KCNQ5: variants seen among roughly 807,000 people sequenced by gnomAD.
KCNQ5 encodes the protein potassium voltage-gated channel subfamily KQT member 5.
Under a neutral mutation model 98.2 loss-of-function variants are expected in KCNQ5, and 30 were observed. The observed-to-expected ratio is 0.31, with a 90% CI of 0.23 to 0.41. The LOEUF (loss-of-function observed/expected upper bound fraction) is 0.41, where lower values mean the gene tolerates loss of function less well. Among genes scored for constraint, KCNQ5 ranks in the 10% least tolerant of loss-of-function variants. KCNQ5 has a pLI of 1.00. For missense variants in KCNQ5, 835 were observed against 1,182.5 expected, an observed-to-expected ratio of 0.71 and a Z score of 4.31; for synonymous variants, 458 against 449.4, an observed-to-expected ratio of 1.02 and a Z score of -0.24.
chr6:73,125,602 A>T, intron 9 of KCNQ5: 1 of 232,020 alleles, frequency 4.3e-6, no homozygotes, highest in Non-Finnish European at 8.4e-6. Context: ...TATTAATAAT[A>T]ATATATTTAT....
chr6:72,683,086 G>A (rs1488168728), intron 1 of KCNQ5, among the ~76,000 whole-genome samples: 4 of 152,162 alleles, frequency 2.6e-5, no homozygotes, highest in Admixed American at 2.6e-4. Context: ...CGTCCTTACT[G>A]CTTCACCTGT....
At chr6:73,080,195 T>G (rs1429879226) in intron 5 of KCNQ5, among the ~76,000 whole-genome samples, 3 of 152,236 alleles carry the variant, frequency 2.0e-5, no homozygotes, top group Non-Finnish European at 4.4e-5. Context: ...AGGTCATATC[T>G]GTGACTTTCA....
chr6:73,088,299 G>T (rs1248535659), intron 5 of KCNQ5, among the ~76,000 whole-genome samples: 1 of 152,052 alleles, frequency 6.6e-6, no homozygotes, highest in Non-Finnish European at 1.5e-5. Context: ...GAGATTACAG[G>T]CATAAGCCAC....
chr6:72,646,529 A>G (rs1413111106), intron 1 of KCNQ5, among the ~76,000 whole-genome samples: 1 of 152,172 alleles, frequency 6.6e-6, no homozygotes, highest in Non-Finnish European at 1.5e-5. Flanking sequence ...AAAAAAGCAT[A>G]TGGTTATCTA....
chr6:73,132,123 T>C (rs555586176), intron 9 of KCNQ5, among the ~76,000 whole-genome samples: 1 of 152,328 alleles, frequency 6.6e-6, no homozygotes, highest in South Asian at 2.1e-4. Flanking sequence ...ACTAAACACA[T>C]TTGCTGTTGG....
chr6:72,976,783 T>C (rs1209207233), intron 1 of KCNQ5, among the ~76,000 whole-genome samples: 1 of 152,218 alleles, frequency 6.6e-6, no homozygotes, highest in Non-Finnish European at 1.5e-5. Flanking sequence ...CTTCAAATAG[T>C]TTCCCAGGAA....
chr6:72,979,900 C>T (rs1267677498), intron 1 of KCNQ5, among the ~76,000 whole-genome samples: 1 of 152,112 alleles, frequency 6.6e-6, no homozygotes, highest in Non-Finnish European at 1.5e-5. Flanking sequence ...ATATGGCTAG[C>T]CAGTTTTCCC....
chr6:73,072,483 G>A (rs1773338773), intron 3 of KCNQ5, among the ~76,000 whole-genome samples: 1 of 152,158 alleles, frequency 6.6e-6, no homozygotes, highest in Non-Finnish European at 1.5e-5. Context: ...GTTCACAATA[G>A]GGAAGCTTTG....
chr6:72,639,621 A>G (rs2098926137), intron 1 of KCNQ5, among the ~76,000 whole-genome samples: 1 of 152,204 alleles, frequency 6.6e-6, no homozygotes, highest in African/African-American at 2.4e-5. Context: ...AACCAGGGAT[A>G]TCTGGTTGGA....
intron 1 of KCNQ5, among the ~76,000 whole-genome samples, chr6:72,714,579 G>A (rs1225880456): frequency 3.3e-5 from 5 of 152,100 alleles, no homozygotes; most frequent in Admixed American, 6.6e-5. Flanking sequence ...AATATTGTGT[G>A]GGTTACAAAA....
chr6:72,847,994 T>G (rs1381437278), intron 1 of KCNQ5, among the ~76,000 whole-genome samples: 1 of 151,098 alleles, frequency 6.6e-6, no homozygotes, highest in African/African-American at 2.5e-5. Flanking sequence ...ATTTCTGGCA[T>G]TGTATCTCCA....
intron 1 of KCNQ5, among the ~76,000 whole-genome samples, chr6:72,835,319 A>G (rs1395655923): frequency 6.6e-6 from 1 of 152,158 alleles, no homozygotes; most frequent in East Asian, 1.9e-4. Context: ...CTTGCTGCAG[A>G]TGTACTCCAG....
chr6:73,190,020 G>T (rs1339630496), intron 11 of KCNQ5, among the ~76,000 whole-genome samples: 1 of 150,426 alleles, frequency 6.6e-6, no homozygotes, highest in African/African-American at 2.4e-5. Flanking sequence ...AGTGTATTAT[G>T]TTTAAAACAA....
chr6:72,708,181 G>A (rs1380367392), intron 1 of KCNQ5, among the ~76,000 whole-genome samples: 1 of 151,818 alleles, frequency 6.6e-6, no homozygotes, highest in African/African-American at 2.4e-5. Flanking sequence ...TTTTATTTGG[G>A]TTTTCGCCAA....
chr6:72,861,098 G>C (rs932217232), intron 1 of KCNQ5, among the ~76,000 whole-genome samples: 12 of 139,628 alleles, frequency 8.6e-5, no homozygotes, highest in African/African-American at 3.1e-4. Flanking sequence ...AATATTCCCA[G>C]ACTGATAGGA....
intron 11 of KCNQ5, among the ~76,000 whole-genome samples, chr6:73,178,556 T>C (rs1778298825): frequency 6.6e-6 from 1 of 151,656 alleles, no homozygotes; most frequent in Non-Finnish European, 1.5e-5. Context: ...AATGTCTGAA[T>C]GTCCTAAGTG....
At chr6:72,753,527 G>C (rs1771794743) in intron 1 of KCNQ5, among the ~76,000 whole-genome samples, 1 of 152,038 alleles carries the variant, frequency 6.6e-6, no homozygotes. Context: ...GTTTTCCAAA[G>C]TTGCTGTACC....
intron 1 of KCNQ5, among the ~76,000 whole-genome samples, chr6:72,809,551 CA>C (rs5877335): frequency 0.056 from 7,364 of 130,706 alleles, 535 homozygotes; most frequent in African/African-American, 0.18. Context: ...GACTCCGTCT[CA>C]AAAAAAAAAA....
At chr6:72,918,451 A>T (rs971736818) in intron 1 of KCNQ5, among the ~76,000 whole-genome samples, 2 of 152,044 alleles carry the variant, frequency 1.3e-5, no homozygotes, top group South Asian at 4.2e-4. Context: ...CATGAGAGTT[A>T]TCATTTTTGT....
Sources: allele counts gnomAD v4.1 joint callset (sites outside exome capture counted in the v4.1 genomes callset), GRCh38; gene constraint gnomAD v4.1.1; transcripts MANE v1.5; gene names NCBI Gene and HGNC (gene_info 2026-07-23, HGNC 2026-07-21).